Variants in UROD observed in about 807,000 individuals in gnomAD.
UROD encodes uroporphyrinogen III decarboxylase.
In UROD, 34 loss-of-function variants were observed where a neutral mutation model predicts 47.1. That is an observed-to-expected ratio of 0.72 (90% CI 0.55 to 0.96). The LOEUF (loss-of-function observed/expected upper bound fraction) is 0.96, where lower values mean the gene tolerates loss of function less well. Ranked by LOEUF, UROD falls within the 40% of genes least tolerant of loss-of-function variation. UROD has a pLI of 0.00. For missense variants in UROD, 381 were observed against 471.8 expected (o/e 0.81, Z 1.78); for synonymous variants, 148 against 175.8 (o/e 0.84, Z 1.25).
chr1:45,013,743 A>C lies in UROD; in HGVS notation c.426A>C (p.Arg142=). Residue 142 remains arginine, a synonymous_variant, in exon 5 of 10, where the codon CGA becomes CGC. Coordinates refer to ENST00000246337, the MANE Select transcript of UROD (RefSeq NM_000374.5). The surrounding 1 kb of genome is among the most constrained non-coding windows in gnomAD (Gnocchi z 4.2). ...TGTTCCAAGCCATCACCCTTACCCG[A>C]CAACGACTGGCTGGACGTGTGCCGC... The part of the protein sequence containing the change: ...GYVFQAITLT[R]QRLAGRVPLI... The C allele has an allele frequency of 1.2e-6, 2 of 1,614,112 alleles. No individual in the cohort carries two copies. The highest frequency in any genetic ancestry group is 1.7e-6 in the Non-Finnish European group (2 of 1,180,008).
chr1:45,013,110 G>A lies in UROD; in HGVS notation c.134-26G>A. 6.2e-7 allele frequency: 1 copy of A among 1,614,152 alleles called. No individual in the cohort carries two copies. On this transcript the variant is annotated intron_variant, in intron 2 of 9. Coordinates refer to ENST00000246337, the MANE Select transcript of UROD (RefSeq NM_000374.5). The surrounding 1 kb of genome is among the most constrained non-coding windows in gnomAD (Gnocchi z 4.2). ...GAGGGCTCTGGAGGGCCTCAAGGCT[G>A]AGCCCTGTCTTCCCTCTGTATGCAG...
rs765318749 is a variant in UROD at position 45,014,833 on chromosome 1, C to T, written c.872C>T (p.Ala291Val). The T allele has an allele frequency of 1.2e-5, 19 of 1,614,056 alleles. No individual in the cohort carries two copies. The highest frequency in any genetic ancestry group is 1.5e-5 in the Non-Finnish European group (18 of 1,180,028). ...GACTGGACAGTGGCCCCAAAGAAAGCCCGGTAAGCCATGGAAGGGTGAGGC... is the reference window on the plus strand; with the variant it reads ...GACTGGACAGTGGCCCCAAAGAAAGTCCGGTAAGCCATGGAAGGGTGAGGC... ...GLDWTVAPKK[A>V]RECVGKTVTL... is the part of the protein sequence containing the mutation. Residue 291 changes from alanine to valine, a missense_variant, in exon 8 of 10, where the codon GCC (alanine) becomes GTC (valine). Ala to Val is a moderately conservative substitution (Grantham distance 64). Coordinates refer to ENST00000246337, the MANE Select transcript of UROD (RefSeq NM_000374.5).
chr1:45,012,277 T>G lies in UROD; in HGVS notation c.12T>G (p.Asn4Lys), dbSNP rs1464580655. 6.2e-7 allele frequency: 1 copy of G among 1,614,052 alleles called. No individual in the cohort carries two copies. The highest frequency in any genetic ancestry group is 2.2e-5 in the East Asian group (1 of 44,868). ...ACAGACAGCTGACCATGGAAGCGAATGGGTTGGGGTGAGTTCTCCAGAGCA... is the reference window on the plus strand; with the variant it reads ...ACAGACAGCTGACCATGGAAGCGAAGGGGTTGGGGTGAGTTCTCCAGAGCA... The part of the protein sequence containing the change: MEA[N>K]GLGPQGFPEL... Residue 4 changes from asparagine (N) to lysine (K), a missense_variant, in exon 1 of 10, where the codon AAT becomes AAG. By Grantham distance (94) the Asn-to-Lys change is moderately conservative. Coordinates refer to ENST00000246337, the MANE Select transcript of UROD (RefSeq NM_000374.5).
At position 45,013,735 on chromosome 1, in the gene UROD, C is replaced by A; in HGVS notation, c.418C>A (p.Leu140Ile). 6.2e-7 allele frequency: 1 copy of A among 1,614,150 alleles called. No homozygotes were observed. Among genetic ancestry groups the A allele is most frequent in the Non-Finnish European group, 8.5e-7 (1 of 1,180,018 alleles). Residue 140 changes from leucine (L) to isoleucine (I), a missense_variant, in exon 5 of 10, where the codon CTT becomes ATT. By Grantham distance (5) the Leu-to-Ile change is conservative. Coordinates refer to ENST00000246337, the MANE Select transcript of UROD (RefSeq NM_000374.5). The surrounding 1 kb of genome is among the most constrained non-coding windows in gnomAD (Gnocchi z 4.2). ...ELGYVFQAIT[L>I]TRQRLAGRVP... is the part of the protein sequence containing the mutation. Reference sequence around the variant, plus strand: ...AGGCTATGTGTTCCAAGCCATCACCCTTACCCGACAACGACTGGCTGGACG... The same window carrying A: ...AGGCTATGTGTTCCAAGCCATCACCATTACCCGACAACGACTGGCTGGACG...
intron 6 of UROD, 115 bp from the exon 7 acceptor site, chr1:45,014,324 G>A: frequency 6.5e-7 from 1 of 1,537,330 alleles, no homozygotes; most frequent in Non-Finnish European, 9.0e-7. Context: ...TGGGTTTTTA[G>A]GGTCAGGCAG....
In UROD at chr1:45,014,978, T is replaced by G. The variant is rs1282052639; in HGVS notation, c.914T>G (p.Leu305Arg). 1 of 1,614,036 alleles carries G rather than the reference T, an allele frequency of 6.2e-7. No individual in the cohort carries two copies. Among genetic ancestry groups the G allele is most frequent in the Admixed American group, 1.7e-5 (1 of 60,022 alleles). ...AAGACGGTGACATTGCAGGGCAACC[T>G]GGACCCCTGTGCCTTGTATGCATCT... Reference protein sequence around the residue: ...VGKTVTLQGNLDPCALYASEE... With the variant: ...VGKTVTLQGNRDPCALYASEE... The change falls in exon 9 of 10, where the codon CTG becomes CGG. Residue 305 changes from leucine to arginine, a missense_variant. Transcript: ENST00000246337.
rs757968697 is a variant in UROD at position 45,013,683 on chromosome 1, G to A, written c.366G>A (p.Arg122=). 42 of 1,614,126 alleles carry A rather than the reference G, an allele frequency of 2.6e-5. No individual in the cohort carries two copies. The highest frequency in any genetic ancestry group is 3.6e-5 in the Non-Finnish European group (42 of 1,180,034). ...LREEQDLERL[R]DPEVVASELG... The stretch of plus-strand genomic sequence containing the variant: ...AAGAGCAGGACCTAGAACGCCTACG[G>A]GATCCAGAAGTGGTAGCCTCTGAGC... The change falls in exon 5 of 10, where the codon CGG becomes CGA. Residue 122 remains arginine, a synonymous_variant. Coordinates refer to ENST00000246337, the MANE Select transcript of UROD (RefSeq NM_000374.5). The surrounding 1 kb of genome is among the most constrained non-coding windows in gnomAD (Gnocchi z 4.2).
chr1:45,014,638 T>A, intron 7 of UROD, 62 bp downstream of exon 7: 1 of 1,613,708 alleles, frequency 6.2e-7, no homozygotes, highest in Non-Finnish European at 8.5e-7. Context: ...AAGTCCTGCA[T>A]GGACTGGAGT....
Position 45,013,060 on chromosome 1 carries a change from G to A in UROD, c.133+41G>A, listed in dbSNP as rs1157477957. ...TGGAAATCTAGATAAAACTCCGGAG[G>A]GAGAAAAGTTTTCGAGGGGCAGGGG... is the stretch of plus-strand genomic sequence containing the variant. On this transcript the variant is annotated intron_variant, in intron 2 of 9. Coordinates refer to ENST00000246337, the MANE Select transcript of UROD (RefSeq NM_000374.5). The surrounding 1 kb of genome is among the most constrained non-coding windows in gnomAD (Gnocchi z 4.2). 28 of 1,614,170 alleles carry A rather than the reference G, an allele frequency of 1.7e-5. No homozygotes were observed. Among genetic ancestry groups the A allele is most frequent in the Non-Finnish European group, 2.2e-5 (26 of 1,180,030 alleles).
At position 45,013,595 on chromosome 1, in the gene UROD, C is replaced by T; in HGVS notation, c.278C>T (p.Ala93Val). Residue 93 changes from alanine (A) to valine (V), a missense_variant and splice_region_variant, in exon 5 of 10, where the codon GCA becomes GTA. By Grantham distance (64) the Ala-to-Val change is moderately conservative (BLOSUM62 0). Transcript: ENST00000246337. The surrounding 1 kb of genome is among the most constrained non-coding windows in gnomAD (Gnocchi z 4.2). ...IFSDILVVPQ[A>V]LGMEVTMVPG... ...CCCAGATGTTTTCTCCCCCTCCAGG[C>T]ACTGGGCATGGAGGTGACCATGGTA... The T allele has an allele frequency of 1.2e-6, 2 of 1,614,178 alleles. No individual in the cohort carries two copies. The highest frequency in any genetic ancestry group is 1.7e-6 in the Non-Finnish European group (2 of 1,180,036).
rs777309481 is a variant in UROD, at chr1:45,014,865, G to T, written c.875+29G>T. The T allele has an allele frequency of 4.3e-6, 7 of 1,614,226 alleles. No homozygotes were observed. In the South Asian group the frequency reaches 7.7e-5, roughly 18 times the overall value. ...AGCCATGGAAGGGTGAGGCCTTGAG[G>T]TTGAGGTGGGGGTGTTGGCTGGGGG... On this transcript the variant is annotated intron_variant, in intron 8 of 9. Coordinates refer to ENST00000246337, the MANE Select transcript of UROD (RefSeq NM_000374.5).
Position 45,015,476 on chromosome 1 carries a change from C to T in UROD, c.1082C>T (p.Ser361Leu). The change falls in exon 10 of 10, where the codon TCA (serine) becomes TTA (leucine). Residue 361 changes from serine to leucine, a missense_variant. Physicochemically the swap from Ser to Leu is moderately radical, Grantham distance 145. Transcript: ENST00000246337. ...GAFVDAVHKHSRLLRQN is the reference protein window; with the variant it reads ...GAFVDAVHKHLRLLRQN ...TTTGTGGATGCTGTGCATAAACACT[C>T]ACGTCTGCTTCGACAGAACTGAGTG... 1 of 1,614,238 alleles carries T rather than the reference C, an allele frequency of 6.2e-7. No individual in the cohort carries two copies. Among genetic ancestry groups the T allele is most frequent in the Non-Finnish European group, 8.5e-7 (1 of 1,180,042 alleles).
Position 45,013,192 on chromosome 1 carries a change from G to GC in UROD, c.192dup (p.Cys65LeufsTer3), listed in dbSNP as rs1321793355. 2 of 1,614,220 alleles carry GC rather than the reference G, an allele frequency of 1.2e-6. No individual in the cohort carries two copies. Among genetic ancestry groups the GC allele is most frequent in the South Asian group, 2.2e-5 (2 of 91,086 alleles). ...TTTCAGCACGTGTCGCTCTCCTGAG[G>GC]CCTGCTGTGAACTGACTCTGCAGGT... On this transcript the variant is annotated frameshift_variant, in exon 3 of 10. Coordinates refer to ENST00000246337, the MANE Select transcript of UROD (RefSeq NM_000374.5). LOFTEE classifies it high-confidence loss of function. The surrounding 1 kb of genome is among the most constrained non-coding windows in gnomAD (Gnocchi z 4.2).
At position 45,013,068 on chromosome 1, in the gene UROD, G is replaced by A; in HGVS notation, c.133+49G>A. The A allele has an allele frequency of 6.2e-7, 1 of 1,614,144 alleles. No individual in the cohort carries two copies. Among genetic ancestry groups the A allele is most frequent in the East Asian group, 2.2e-5 (1 of 44,888 alleles). On this transcript the variant is annotated intron_variant, in intron 2 of 9. Coordinates refer to ENST00000246337, the MANE Select transcript of UROD (RefSeq NM_000374.5). The surrounding 1 kb of genome is among the most constrained non-coding windows in gnomAD (Gnocchi z 4.2). ...TAGATAAAACTCCGGAGGGAGAAAA[G>A]TTTTCGAGGGGCAGGGGAGGGCTCT...
chr1:45,014,450 G>GTT lies in UROD; in HGVS notation c.650_651dup (p.Glu218LeufsTer28). On this transcript the variant is annotated frameshift_variant, in exon 7 of 10. Transcript: ENST00000246337. LOFTEE classifies it high-confidence loss of function. ...CATACCCTAACTAGGCATTGCAGCT[G>GTT]TTTGAGTCCCATGCAGGGCATCTTG... 1.9e-6 allele frequency: 3 copies of GTT among 1,614,228 alleles called. No homozygotes were observed. Among genetic ancestry groups the GTT allele is most frequent in the Non-Finnish European group, 2.5e-6 (3 of 1,180,044 alleles).
Position 45,013,739 on chromosome 1 carries a change from C to A in UROD, c.422C>A (p.Thr141Asn), listed in dbSNP as rs1246095461. 2 of 1,614,166 alleles carry A rather than the reference C, an allele frequency of 1.2e-6. No homozygotes were observed. Among genetic ancestry groups the A allele is most frequent in the South Asian group, 1.1e-5 (1 of 91,090 alleles). Residue 141 changes from threonine to asparagine, a missense_variant, in exon 5 of 10, where the codon ACC (threonine) becomes AAC (asparagine). Physicochemically the swap from Thr to Asn is moderately conservative, Grantham distance 65. Transcript: ENST00000246337. This position sits in a 1 kb window ranked among gnomAD's most constrained non-coding sequence, Gnocchi z 4.2. ...TATGTGTTCCAAGCCATCACCCTTA[C>A]CCGACAACGACTGGCTGGACGTGTG... ...LGYVFQAITLTRQRLAGRVPL... is the reference protein window; with the variant it reads ...LGYVFQAITLNRQRLAGRVPL...
chr1:45,014,590 T>C lies in UROD; in HGVS notation c.774+14T>C. On this transcript the variant is annotated intron_variant, in intron 7 of 9. Coordinates refer to ENST00000246337, the MANE Select transcript of UROD (RefSeq NM_000374.5). ...CCAGTGCCCATGGTGAGGATTGGGA[T>C]GGGTTGAGTGAAGGTGGTCCTGTGG... 8 of 1,613,980 alleles carry C rather than the reference T, an allele frequency of 5.0e-6. No individual in the cohort carries two copies. Among genetic ancestry groups the C allele is most frequent in the Non-Finnish European group, 6.8e-6 (8 of 1,179,998 alleles).
rs1172569970 is a variant in UROD at position 45,013,926 on chromosome 1, C to T, written c.492C>T (p.Tyr164=). 2 of 1,614,234 alleles carry T rather than the reference C, an allele frequency of 1.2e-6. No individual in the cohort carries two copies. Residue 164 remains tyrosine, a synonymous_variant, in exon 6 of 10, where the codon TAC becomes TAT. Transcript: ENST00000246337. This position sits in a 1 kb window ranked among gnomAD's most constrained non-coding sequence, Gnocchi z 4.2. ...FAGAPWTLMT[Y]MVEGGGSSTM... ...TTCTCTAGTGGACCCTGATGACATACATGGTTGAGGGTGGTGGCTCAAGCA... is the reference window on the plus strand; with the variant it reads ...TTCTCTAGTGGACCCTGATGACATATATGGTTGAGGGTGGTGGCTCAAGCA...
At chr1:45,012,799 G>C in intron 1 of UROD, 108 bp from the exon 2 acceptor site, 1 of 1,555,998 alleles carries the variant, frequency 6.4e-7, no homozygotes, top group Non-Finnish European at 8.7e-7. Context: ...AGCTGGCCTG[G>C]AGGAGGTAGA....
Sources: allele counts gnomAD v4.1 joint callset, GRCh38; gene constraint gnomAD v4.1.1; non-coding constraint Gnocchi (gnomAD v3.1); transcripts MANE v1.5; gene names NCBI Gene and HGNC (gene_info 2026-07-23, HGNC 2026-07-21).